HMCN1: variants seen among roughly 807,000 people sequenced by gnomAD.
The protein encoded by HMCN1 is hemicentin-1.
Under a neutral mutation model 625.9 loss-of-function variants are expected in HMCN1, and 321 were observed. That is an observed-to-expected ratio of 0.51 (90% CI 0.47 to 0.56). The LOEUF is 0.56. Among genes scored for constraint, HMCN1 ranks in the 20% least tolerant of loss-of-function variants. The pLI is 0.00. For missense variants in HMCN1, 6,588 were observed against 6,887.3 expected (o/e 0.96, Z 1.54); for synonymous variants, 2,425 against 2,417.6 (o/e 1.00, Z -0.09).
At chr1:185,838,157 C>A (rs1661281703) in intron 1 of HMCN1, among the ~76,000 whole-genome samples, 1 of 152,108 alleles carries the variant, frequency 6.6e-6, no homozygotes, top group Admixed American at 6.6e-5. Context: ...TGCCAGATTC[C>A]CCTTCCCACC....
intron 70 of HMCN1, 128 bp downstream of exon 70, chr1:186,107,093 T>A: frequency 2.7e-6 from 1 of 376,064 alleles, no homozygotes; most frequent in Non-Finnish European, 5.0e-6. Context: ...AATCTGAATC[T>A]TTTTTTTTTT....
intron 22 of HMCN1, among the ~76,000 whole-genome samples, chr1:185,992,367 A>G (rs961335219): frequency 3.9e-5 from 6 of 152,122 alleles, no homozygotes; most frequent in Admixed American, 1.3e-4. Flanking sequence ...TTTAATTCTA[A>G]TATTTTAAGT....
At chr1:185,741,213 T>A in intron 1 of HMCN1, among the ~76,000 whole-genome samples, 1 of 152,062 alleles carries the variant, frequency 6.6e-6, no homozygotes, top group South Asian at 2.1e-4. Flanking sequence ...CAATATGCCA[T>A]TTTTCTTTAA....
chr1:186,050,900 T>C (rs1182695840), intron 42 of HMCN1, among the ~76,000 whole-genome samples: 6 of 152,032 alleles, frequency 3.9e-5, no homozygotes, highest in African/African-American at 1.4e-4. Context: ...CTTTAAATAG[T>C]CAAAATTAAA....
At chr1:186,076,884 G>A (rs1330061070) in intron 54 of HMCN1, among the ~76,000 whole-genome samples, 1 of 152,026 alleles carries the variant, frequency 6.6e-6, no homozygotes, top group Non-Finnish European at 1.5e-5. Flanking sequence ...GCTTCCTTGT[G>A]CCTCCATTTC....
chr1:186,132,264 G>GA (rs1411419396), intron 85 of HMCN1, 64 bp from the exon 86 acceptor site: 2 of 1,161,374 alleles, frequency 1.7e-6, no homozygotes, highest in African/African-American at 1.5e-5. Context: ...GCATCATGGT[G>GA]AAAAAAGTGA....
At chr1:186,135,511 T>A (rs1649542257) in intron 86 of HMCN1, among the ~76,000 whole-genome samples, 1 of 152,220 alleles carries the variant, frequency 6.6e-6, no homozygotes, top group African/African-American at 2.4e-5. Context: ...GATATGAATA[T>A]CCCTGTCATG....
intron 30 of HMCN1, among the ~76,000 whole-genome samples, chr1:186,012,924 A>G (rs778851173): frequency 6.6e-5 from 10 of 152,294 alleles, no homozygotes; most frequent in Non-Finnish European, 1.0e-4. Context: ...TGATAACTAA[A>G]TACTCCACAC....
At chr1:186,185,067 A>T (rs1653194927) in intron 105 of HMCN1, among the ~76,000 whole-genome samples, 1 of 152,170 alleles carries the variant, frequency 6.6e-6, no homozygotes, top group Non-Finnish European at 1.5e-5. Flanking sequence ...TACTTAGGAA[A>T]GCTTTTTAAT....
At position 185,990,282 on chromosome 1, in the gene HMCN1, C is replaced by T. The variant is rs745772164; in HGVS notation, c.3216C>T (p.Pro1072=). ...RKVQLTVYVR[P]RVFGDQRGLS... Reference sequence around the variant, plus strand: ...AACATGTGTTTATTTTAGTAAGGCCCAGAGTGTTTGGAGATCAACGAGGAC... The same window carrying T: ...AACATGTGTTTATTTTAGTAAGGCCTAGAGTGTTTGGAGATCAACGAGGAC... The change falls in exon 22 of 107, where the codon CCC becomes CCT. Residue 1072 remains proline (P), a synonymous_variant. Transcript: ENST00000271588. 34 of 1,613,658 alleles carry T rather than the reference C, an allele frequency of 2.1e-5. No homozygotes were observed. Among genetic ancestry groups the T allele is most frequent in the African/African-American group, 1.3e-5 (1 of 74,872 alleles).
At chr1:185,894,150 AAAAACAAAAAAAAC>A (rs370485469) in intron 4 of HMCN1, among the ~76,000 whole-genome samples, 4,602 of 151,152 alleles carry the variant, frequency 0.03, 251 homozygotes, top group African/African-American at 0.11. Flanking sequence ...AAACAAAAAC[AAAAACAAAAAAAAC>A]AAAACAAAAA....
At chr1:185,762,532 GA>G (rs1456546919) in intron 1 of HMCN1, among the ~76,000 whole-genome samples, 1 of 152,132 alleles carries the variant, frequency 6.6e-6, no homozygotes, top group Non-Finnish European at 1.5e-5. Flanking sequence ...GAAAAGTGGG[GA>G]AGCCAGAAGT....
Position 186,151,695 on chromosome 1 carries a change from C to T in HMCN1, c.14848C>T (p.Leu4950Phe). The T allele has an allele frequency of 6.2e-7, 1 of 1,613,644 alleles. No individual in the cohort carries two copies. Among genetic ancestry groups the T allele is most frequent in the Non-Finnish European group, 8.5e-7 (1 of 1,179,676 alleles). The change falls in exon 95 of 107, where the codon CTC becomes TTC. Residue 4950 changes from leucine (L) to phenylalanine (F), a missense_variant. Coordinates refer to ENST00000271588, the MANE Select transcript of HMCN1 (RefSeq NM_031935.3). ...AGGAGAAGCAGTCAATGGCTTTACCCTCACCAATGCAGTCTTCAAAAGAGA... is the reference window on the plus strand; with the variant it reads ...AGGAGAAGCAGTCAATGGCTTTACCTTCACCAATGCAGTCTTCAAAAGAGA... ...EIGEAVNGFT[L>F]TNAVFKRETQ...
At chr1:186,029,407 T>C (rs1369620978) in intron 36 of HMCN1, among the ~76,000 whole-genome samples, 1 of 152,184 alleles carries the variant, frequency 6.6e-6, no homozygotes, top group Non-Finnish European at 1.5e-5. Context: ...ATAATTCACA[T>C]AATAGAAGAT....
At chr1:186,068,117 T>G in intron 50 of HMCN1, 110 bp downstream of exon 50, 1 of 1,075,434 alleles carries the variant, frequency 9.3e-7, no homozygotes, top group Non-Finnish European at 1.4e-6. Context: ...GTTGGTTGTG[T>G]TATGTTCTGT....
rs117320750 is a variant in HMCN1, at chr1:185,962,144, C to T, written c.1829-374C>T. On this transcript the variant is annotated intron_variant, in intron 11 of 106. Transcript: ENST00000271588. ...AGGACAAGTTGTGGCTCCAATCCTA[C>T]ATTCATTGTCTAGAAAGAGCCAAAA... Among the ~76,000 whole-genome samples the T allele has an allele frequency of 2.4e-3, 366 of 152,276 alleles. 6 individuals are homozygous for T. Among genetic ancestry groups the T allele is most frequent in the East Asian group, 0.02 (103 of 5,188 alleles).
chr1:186,053,459 A>G (rs1657102602), intron 43 of HMCN1, among the ~76,000 whole-genome samples: 1 of 152,020 alleles, frequency 6.6e-6, no homozygotes, highest in African/African-American at 2.4e-5. Flanking sequence ...GCATCACACA[A>G]TAGATCTACG....
At position 185,965,727 on chromosome 1, in the gene HMCN1, T is replaced by G. The variant is rs1650356689; in HGVS notation, c.2099-75T>G. 1.5e-5 allele frequency: 13 copies of G among 867,306 alleles called. 1 individual carries two copies. In the South Asian group the frequency reaches 1.7e-4, roughly 11 times the overall value. 53.7% of individuals were successfully genotyped at this position (867,306 alleles called of 1,614,324 possible). Reference sequence around the variant, plus strand: ...CAAGCACATAAATTTTTAAATTGGTTCATTTAGTAAACATAAACAAAATCC... The same window carrying G: ...CAAGCACATAAATTTTTAAATTGGTGCATTTAGTAAACATAAACAAAATCC... On this transcript the variant is annotated intron_variant, in intron 13 of 106. Coordinates refer to ENST00000271588, the MANE Select transcript of HMCN1 (RefSeq NM_031935.3).
chr1:185,877,444 A>C (rs1391073478), intron 4 of HMCN1, among the ~76,000 whole-genome samples: 4 of 145,652 alleles, frequency 2.7e-5, no homozygotes, highest in African/African-American at 1.0e-4. Context: ...CTTTGGCTAT[A>C]GGGCTCTTTT....
Sources: allele counts gnomAD v4.1 joint callset (sites outside exome capture counted in the v4.1 genomes callset), GRCh38; gene constraint gnomAD v4.1.1; transcripts MANE v1.5; gene names NCBI Gene and HGNC (gene_info 2026-07-23, HGNC 2026-07-21).